The following CHRM3 variants were observed in gnomAD, a reference collection of about 807,000 sequenced individuals.
CHRM3 encodes the protein cholinergic receptor muscarinic 3.
In CHRM3, 11 loss-of-function variants were observed where a neutral mutation model predicts 41.8. That is an observed-to-expected ratio of 0.26 (90% CI 0.17 to 0.44). CHRM3 has a LOEUF of 0.44. Among genes scored for constraint, CHRM3 ranks in the 20% least tolerant of loss-of-function variants. The pLI, the probability that CHRM3 is intolerant of heterozygous loss-of-function variation, is 1.00. For synonymous variants in CHRM3, 297 were observed against 301.4 expected (o/e 0.99, Z 0.15); for missense variants, 571 against 745.4 (o/e 0.77, Z 2.72).
At chr1:239,467,904 C>CG (rs945586902) in intron 1 of CHRM3, among the ~76,000 whole-genome samples, 1 of 134,680 alleles carries the variant, frequency 7.4e-6, no homozygotes, top group Non-Finnish European at 1.6e-5. Flanking sequence ...TCCCTACCCC[C>CG]CCCCAACGTT....
chr1:239,445,884 G>A (rs1036186143), intron 1 of CHRM3, among the ~76,000 whole-genome samples: 2 of 152,004 alleles, frequency 1.3e-5, no homozygotes, highest in African/African-American at 4.8e-5. Context: ...CCAACTCAGA[G>A]GGTACTGACC....
At chr1:239,520,884 A>T (rs1381663837) in intron 2 of CHRM3, among the ~76,000 whole-genome samples, 1 of 152,172 alleles carries the variant, frequency 6.6e-6, no homozygotes, top group Non-Finnish European at 1.5e-5. Flanking sequence ...TACATAACAT[A>T]CTGTTAGTAC....
chr1:239,905,053 T>C (rs1454567191), intron 6 of CHRM3, among the ~76,000 whole-genome samples: 2 of 152,226 alleles, frequency 1.3e-5, no homozygotes, highest in African/African-American at 2.4e-5. Context: ...CCCAAGACCA[T>C]GAAAATTGAT....
intron 2 of CHRM3, among the ~76,000 whole-genome samples, chr1:239,499,477 A>T (rs76982618): frequency 0.015 from 2,248 of 152,330 alleles, 35 homozygotes; most frequent in Non-Finnish European, 0.023. Context: ...AGTTTTAAAT[A>T]GCTTGGAGGT....
At chr1:239,666,196 T>C (rs1321963405) in intron 4 of CHRM3, among the ~76,000 whole-genome samples, 1 of 151,894 alleles carries the variant, frequency 6.6e-6, no homozygotes, top group Non-Finnish European at 1.5e-5. Context: ...GCCTGACTTT[T>C]TTTTTTTTTG....
chr1:239,395,841 G>C (rs180751090), intron 1 of CHRM3, among the ~76,000 whole-genome samples: 16 of 152,272 alleles, frequency 1.1e-4, no homozygotes, highest in African/African-American at 3.9e-4. Context: ...CTGTTATTGA[G>C]GACCAAATGT....
At chr1:239,475,207 G>C (rs1666389041) in intron 1 of CHRM3, among the ~76,000 whole-genome samples, 2 of 152,098 alleles carry the variant, frequency 1.3e-5, no homozygotes, top group Non-Finnish European at 1.5e-5. Flanking sequence ...CATCCATGTT[G>C]TATGTGTGAA....
intron 2 of CHRM3, among the ~76,000 whole-genome samples, chr1:239,505,505 C>T (rs1401821463): frequency 6.6e-6 from 1 of 152,176 alleles, no homozygotes; most frequent in African/African-American, 2.4e-5. Context: ...CTCTTGTCTG[C>T]TGCCATGTGA....
intron 4 of CHRM3, among the ~76,000 whole-genome samples, chr1:239,668,026 G>C (rs192017438): frequency 1.4e-5 from 2 of 145,582 alleles, no homozygotes; most frequent in Admixed American, 6.8e-5. Flanking sequence ...CTACTTAAAA[G>C]TGTTCTCTTT....
At chr1:239,616,398 T>A (rs184776365) in intron 3 of CHRM3, among the ~76,000 whole-genome samples, 1 of 152,334 alleles carries the variant, frequency 6.6e-6, no homozygotes, top group African/African-American at 2.4e-5. Flanking sequence ...GAGTTTCTTT[T>A]CAGGCACCCC....
At chr1:239,806,702 A>T (rs566810095) in intron 5 of CHRM3, among the ~76,000 whole-genome samples, 35 of 152,308 alleles carry the variant, frequency 2.3e-4, no homozygotes, top group South Asian at 1.9e-3. Flanking sequence ...TGTAGAAAAC[A>T]TACACATACC....
chr1:239,633,418 A>G (rs1205896970), intron 4 of CHRM3, among the ~76,000 whole-genome samples: 4 of 152,118 alleles, frequency 2.6e-5, no homozygotes. Flanking sequence ...ACCTCCCACA[A>G]GGCCCCTCCC....
chr1:239,405,871 T>C (rs1203163406), intron 1 of CHRM3, among the ~76,000 whole-genome samples: 1 of 152,150 alleles, frequency 6.6e-6, no homozygotes, highest in East Asian at 1.9e-4. Flanking sequence ...GCTCTATTTA[T>C]AGAGGGCAAG....
At chr1:239,847,267 A>G (rs1674344178) in intron 6 of CHRM3, among the ~76,000 whole-genome samples, 1 of 152,206 alleles carries the variant, frequency 6.6e-6, no homozygotes, top group Admixed American at 6.5e-5. Flanking sequence ...CTACCTTTCC[A>G]CTACGTGGTT....
intron 3 of CHRM3, among the ~76,000 whole-genome samples, chr1:239,591,725 A>C (rs1664176808): frequency 6.6e-6 from 1 of 152,210 alleles, no homozygotes; most frequent in African/African-American, 2.4e-5. Context: ...AGTCCCAAAC[A>C]AGTATGTTAT....
At chr1:239,670,778 C>CG (rs962699345) in intron 4 of CHRM3, among the ~76,000 whole-genome samples, 3 of 151,876 alleles carry the variant, frequency 2.0e-5, no homozygotes, top group African/African-American at 7.3e-5. Context: ...TCTACCCCCC[C>CG]CACCTCAGTT....
rs576125698 is a variant in CHRM3 at position 239,415,663 on chromosome 1, TAATA to T, written c.-521+28440_-521+28443del. On this transcript the variant is annotated intron_variant, in intron 1 of 6. Transcript: ENST00000676153. ...GTATATTGCTGTGGCTCAACCAAGA[TAATA>T]AATTTTAATTAGCAAATGAAGCTAG... 6.7e-3 allele frequency among the ~76,000 whole-genome samples: 1,014 copies of T among 152,274 alleles called. 14 individuals are homozygous for T. Among genetic ancestry groups the T allele is most frequent in the African/African-American group, 0.023 (945 of 41,550 alleles).
chr1:239,471,629 T>C (rs1666128816), intron 1 of CHRM3, among the ~76,000 whole-genome samples: 1 of 152,074 alleles, frequency 6.6e-6, no homozygotes, highest in Non-Finnish European at 1.5e-5. Context: ...ATCTTCAAGA[T>C]TTCCCCCTTC....
chr1:239,740,702 A>G (rs1664771649), intron 5 of CHRM3, among the ~76,000 whole-genome samples: 1 of 152,142 alleles, frequency 6.6e-6, no homozygotes, highest in African/African-American at 2.4e-5. Context: ...TATGTGGCCA[A>G]TAAACATGAA....
Sources: gnomAD v4.1 joint callset for allele counts (sites outside exome capture counted in the v4.1 genomes callset) on GRCh38, gnomAD v4.1.1 for gene constraint, MANE v1.5 for transcripts, NCBI Gene and HGNC (gene_info 2026-07-23, HGNC 2026-07-21) for gene names.